The following DOCK6 variants were observed in gnomAD, a reference collection of about 807,000 sequenced individuals.
DOCK6 encodes dedicator of cytokinesis 6, also known as dedicator of cytokinesis protein 6.
A neutral mutation model predicts 230.3 loss-of-function variants in DOCK6; 167 were observed. The ratio of observed to expected loss-of-function variants is 0.73; its 90% confidence interval spans 0.64 to 0.82. The LOEUF is 0.82. Ranked by LOEUF, DOCK6 falls within the 40% of genes least tolerant of loss-of-function variation. The probability of loss-of-function intolerance (pLI) is 0.00; values close to 1 mark genes in which losing one functional copy is unlikely to be tolerated. For missense variants in DOCK6, 2,598 were observed against 2,825.8 expected (o/e 0.92, Z 1.83); for synonymous variants, 1,148 against 1,185.0 (o/e 0.97, Z 0.64).
chr19:11,254,789 C>G (rs926487025), intron 1 of DOCK6, among the ~76,000 whole-genome samples: 1 of 152,106 alleles, frequency 6.6e-6, no homozygotes, highest in Non-Finnish European at 1.5e-5. Flanking sequence ...GATGGCTCAG[C>G]CCTCCAATTC....
chr19:11,204,660 C>G (rs1332969403), intron 39 of DOCK6, among the ~76,000 whole-genome samples: 2 of 152,148 alleles, frequency 1.3e-5, no homozygotes, highest in Non-Finnish European at 2.9e-5. Context: ...CCACCCTAGC[C>G]TCCCACATAG....
rs924359421 is a variant in DOCK6 at position 11,202,875 on chromosome 19, A to G, written c.5236-166T>C. ...TGAGAACATTGGGGCATGGATTGCA[A>G]TAGGAAGTTAGGACTGGGGCTGTAT... On this transcript the variant is annotated intron_variant, in intron 41 of 47. Transcript: ENST00000294618. This position sits in a 1 kb window ranked among gnomAD's most constrained non-coding sequence, Gnocchi z 5.3. 1.3e-5 allele frequency among the ~76,000 whole-genome samples: 2 copies of G among 151,938 alleles called. No individual in the cohort carries two copies. Among genetic ancestry groups the G allele is most frequent in the African/African-American group, 4.8e-5 (2 of 41,352 alleles).
At chr19:11,218,718 G>A (rs59389322) in intron 28 of DOCK6, among the ~76,000 whole-genome samples, 76,746 of 151,558 alleles carry the variant, frequency 0.51, 20,974 homozygotes, top group Non-Finnish European at 0.62. Context: ...AAAGTGCTGG[G>A]ATTACAGGTA....
chr19:11,211,937 G>A (rs1185544573), intron 36 of DOCK6, 56 bp downstream of exon 36: 2 of 1,579,654 alleles, frequency 1.3e-6, no homozygotes, highest in Non-Finnish European at 1.7e-6. Context: ...GAGCCAAGGT[G>A]GTGGGGTTGG....
chr19:11,211,689 C>T, intron 37 of DOCK6, 87 bp downstream of exon 37: 1 of 1,097,500 alleles, frequency 9.1e-7, no homozygotes, highest in Non-Finnish European at 1.3e-6. Flanking sequence ...TCCCTCCTCA[C>T]CTCCTTAGAC....
intron 28 of DOCK6, among the ~76,000 whole-genome samples, chr19:11,219,120 G>C (rs918648138): frequency 1.4e-5 from 2 of 145,546 alleles, no homozygotes; most frequent in African/African-American, 5.1e-5. Context: ...CTCATGATCT[G>C]CCCGCCTCGG....
chr19:11,228,813 C>T (rs1314730296), intron 23 of DOCK6, 127 bp downstream of exon 23: 9 of 812,054 alleles, frequency 1.1e-5, no homozygotes, highest in East Asian at 8.3e-5. Flanking sequence ...CCGCCCGCCT[C>T]GGCCTCCCAA....
chr19:11,200,410 T>G lies in DOCK6; in HGVS notation c.5999A>C (p.His2000Pro), dbSNP rs939565642. 1 of 1,610,114 alleles carries G rather than the reference T, an allele frequency of 6.2e-7. No homozygotes were observed. The highest frequency in any genetic ancestry group is 8.5e-7 in the Non-Finnish European group (1 of 1,178,412). The change falls in exon 47 of 48, where the codon CAC becomes CCC. Residue 2000 changes from histidine to proline, a missense_variant. Physicochemically the swap from His to Pro is moderately conservative, Grantham distance 77 (BLOSUM62 -2). Transcript: ENST00000294618. This position sits in a 1 kb window ranked among gnomAD's most constrained non-coding sequence, Gnocchi z 4.3. The stretch of plus-strand genomic sequence containing the variant: ...GCAGTAGTTGCGCTCCAGCTCACGG[T>G]GGTACTCCTTCTGGTCCGGCCCAAT... ...ALIGPDQKEYHRELERNYCRL... is the reference protein window; with the variant it reads ...ALIGPDQKEYPRELERNYCRL...
chr19:11,205,460 A>G (rs2079242834), intron 39 of DOCK6, among the ~76,000 whole-genome samples: 1 of 151,454 alleles, frequency 6.6e-6, no homozygotes, highest in African/African-American at 2.4e-5. Context: ...CTCCTGCCTC[A>G]TCCTACTTAA....
At chr19:11,237,028 T>C (rs750983459) in intron 18 of DOCK6, 149 bp from the exon 19 acceptor site, 35 of 750,630 alleles carry the variant, frequency 4.7e-5, no homozygotes, top group African/African-American at 2.1e-4. Context: ...CTGGTCCCAG[T>C]AGACTGAGAG....
At chr19:11,229,151 C>A in intron 22 of DOCK6, 116 bp from the exon 23 acceptor site, 1 of 1,237,252 alleles carries the variant, frequency 8.1e-7, no homozygotes, top group Non-Finnish European at 1.1e-6. Flanking sequence ...CAGCAGGAGC[C>A]AGGCAGGAGG....
At chr19:11,238,549 G>A (rs1212426006) in intron 14 of DOCK6, 1 of 514,838 alleles carries the variant, frequency 1.9e-6, no homozygotes, top group East Asian at 3.1e-5. Context: ...GTGGTAGAGG[G>A]TGGGAATACA....
rs2079992530 is a variant in DOCK6, at chr19:11,243,934, C to T, written c.1024-52G>A. 6.4e-7 allele frequency: 1 copy of T among 1,557,806 alleles called. No individual in the cohort carries two copies. Among genetic ancestry groups the T allele is most frequent in the Non-Finnish European group, 8.7e-7 (1 of 1,149,076 alleles). On this transcript the variant is annotated intron_variant, in intron 9 of 47. Transcript: ENST00000294618. The surrounding 1 kb of genome is among the most constrained non-coding windows in gnomAD (Gnocchi z 6.3). The stretch of plus-strand genomic sequence containing the variant: ...GAGGCGCTGCCCGAACGCTCTGTTC[C>T]CCCGTGCTGGCTCCCCAGCCTCCTG...
rs201065561 is a variant in DOCK6, at chr19:11,253,671, G to C, written c.100C>G (p.His34Asp). 5.7e-4 allele frequency: 841 copies of C among 1,463,512 alleles called. 2 individuals carry two copies. Among genetic ancestry groups the C allele is most frequent in the Middle Eastern group, 4.1e-3 (23 of 5,638 alleles). 90.7% of individuals were successfully genotyped at this position (1,463,512 alleles called of 1,614,324 possible). ...GAGCTGCTGCAGCGCCTGCTGGAGT[G>C]GGGGGAGCCACTGCGTTCCCGGGAC... is the stretch of plus-strand genomic sequence containing the variant. Reference protein sequence around the residue: ...QVSRERSGSPHSSRRCSSSLG... With the variant: ...QVSRERSGSPDSSRRCSSSLG... Residue 34 changes from histidine to aspartate, a missense_variant, in exon 2 of 48, where the codon CAC becomes GAC. By Grantham distance (81) the His-to-Asp change is moderately conservative (BLOSUM62 -1). Coordinates refer to ENST00000294618, the MANE Select transcript of DOCK6 (RefSeq NM_020812.4).
Position 11,217,053 on chromosome 19 carries a change from G to A in DOCK6, c.3755C>T (p.Thr1252Ile). ...CACCCACAGCACACACGCCAGCAAG[G>A]TCCGGCTTGACTCAGCAGAGAGGGC... ...GCALSAESSRTLLACVLWVLK... is the reference protein window; with the variant it reads ...GCALSAESSRILLACVLWVLK... Residue 1252 changes from threonine to isoleucine, a missense_variant, in exon 30 of 48, where the codon ACC (threonine) becomes ATC (isoleucine). Coordinates refer to ENST00000294618, the MANE Select transcript of DOCK6 (RefSeq NM_020812.4). The A allele has an allele frequency of 6.2e-7, 1 of 1,613,572 alleles. No homozygotes were observed. The highest frequency in any genetic ancestry group is 1.1e-5 in the South Asian group (1 of 91,082).
At position 11,202,729 on chromosome 19, in the gene DOCK6, T is replaced by C. The variant is rs759272851; in HGVS notation, c.5236-20A>G. 20 of 1,612,138 alleles carry C rather than the reference T, an allele frequency of 1.2e-5. No individual in the cohort carries two copies. In the South Asian group the frequency reaches 2.2e-4, roughly 18 times the overall value. On this transcript the variant is annotated intron_variant, in intron 41 of 47. Transcript: ENST00000294618. This position sits in a 1 kb window ranked among gnomAD's most constrained non-coding sequence, Gnocchi z 5.3. ...CACGCGCTGGGGCTGTGAGAAAGGGTGTGGTTGTCCGGGAGGCCCCTGCTG... is the reference window on the plus strand; with the variant it reads ...CACGCGCTGGGGCTGTGAGAAAGGGCGTGGTTGTCCGGGAGGCCCCTGCTG...
At chr19:11,225,563 G>A (rs2054137468) in intron 24 of DOCK6, among the ~76,000 whole-genome samples, 1 of 151,512 alleles carries the variant, frequency 6.6e-6, no homozygotes, top group African/African-American at 2.4e-5. Context: ...ATGGTAGCAC[G>A]CACCTGTAGC....
At chr19:11,227,112 T>C (rs931964904) in intron 24 of DOCK6, among the ~76,000 whole-genome samples, 2 of 152,066 alleles carry the variant, frequency 1.3e-5, no homozygotes, top group Non-Finnish European at 2.9e-5. Flanking sequence ...TACACAAGGG[T>C]AAGGATTTGG....
intron 34 of DOCK6, 88 bp downstream of exon 34, chr19:11,214,187 A>C: frequency 6.8e-7 from 1 of 1,466,750 alleles, no homozygotes; most frequent in Non-Finnish European, 9.1e-7. Context: ...AGCCTCCCAA[A>C]GTGCTGGGAT....
Sources: allele counts gnomAD v4.1 joint callset (sites outside exome capture counted in the v4.1 genomes callset), GRCh38; gene constraint gnomAD v4.1.1; non-coding constraint Gnocchi (gnomAD v3.1); transcripts MANE v1.5; gene names NCBI Gene and HGNC (gene_info 2026-07-23, HGNC 2026-07-21).